The following RSPO2 variants were observed in gnomAD, a reference collection of about 807,000 sequenced individuals.
RSPO2 encodes the protein R-spondin-2.
A neutral mutation model predicts 30.9 loss-of-function variants in RSPO2; 14 were observed. That is an observed-to-expected ratio of 0.45 (90% CI 0.30 to 0.71). The LOEUF (loss-of-function observed/expected upper bound fraction) is 0.71, where lower values mean the gene tolerates loss of function less well. Among genes scored for constraint, RSPO2 ranks in the 30% least tolerant of loss-of-function variants. RSPO2 has a pLI of 0.08. For synonymous variants in RSPO2, 107 were observed against 96.4 expected (o/e 1.11, Z -0.64); for missense variants, 264 against 301.9 (o/e 0.87, Z 0.93).
intron 2 of RSPO2, among the ~76,000 whole-genome samples, chr8:108,075,254 G>A (rs2130731895): frequency 6.6e-6 from 1 of 152,304 alleles, no homozygotes; most frequent in South Asian, 2.1e-4. Context: ...GCCAAGGCGG[G>A]AGGATCACCT....
At chr8:108,064,569 T>C (rs1187239821) in intron 2 of RSPO2, among the ~76,000 whole-genome samples, 1 of 152,210 alleles carries the variant, frequency 6.6e-6, no homozygotes, top group Non-Finnish European at 1.5e-5. Flanking sequence ...TTATACACTG[T>C]TGGTGGGACT....
chr8:108,007,372 T>C (rs1815486192), intron 2 of RSPO2, among the ~76,000 whole-genome samples: 3 of 149,908 alleles, frequency 2.0e-5, no homozygotes, highest in South Asian at 2.1e-4. Flanking sequence ...TGAAAGTTTA[T>C]TGGGAAAAAA....
chr8:108,065,489 T>A (rs943388877), intron 2 of RSPO2, among the ~76,000 whole-genome samples: 2 of 152,080 alleles, frequency 1.3e-5, no homozygotes, highest in Non-Finnish European at 2.9e-5. Context: ...ATTTTTGACT[T>A]CACTGGATAG....
rs371875304 is a variant in RSPO2 at position 107,984,481 on chromosome 8, G to C, written c.283+4575C>G. On this transcript the variant is annotated intron_variant, in intron 3 of 5. Transcript: ENST00000276659. The stretch of plus-strand genomic sequence containing the variant: ...CACACCCTTCTAGATGAAACTATAT[G>C]TGCCACACTTTGCACTACTCATAAT... Among the ~76,000 whole-genome samples the C allele has an allele frequency of 2.0e-5, 3 of 152,128 alleles. No individual in the cohort carries two copies. The East Asian group carries it at 5.8e-4, about 29-fold the overall frequency.
intron 5 of RSPO2, among the ~76,000 whole-genome samples, chr8:107,912,481 G>A (rs1046897902): frequency 5.3e-5 from 8 of 152,116 alleles, no homozygotes; most frequent in African/African-American, 1.9e-4. Flanking sequence ...CCCAGGGGTA[G>A]GGCCCTTATC....
intron 2 of RSPO2, among the ~76,000 whole-genome samples, chr8:108,045,830 T>C (rs1811893610): frequency 6.6e-6 from 1 of 152,178 alleles, no homozygotes; most frequent in Admixed American, 6.5e-5. Flanking sequence ...TTTACTGCAT[T>C]CAGCCTGCCA....
At chr8:107,994,217 A>T (rs149925400) in intron 2 of RSPO2, among the ~76,000 whole-genome samples, 1 of 152,258 alleles carries the variant, frequency 6.6e-6, no homozygotes, top group African/African-American at 2.4e-5. Flanking sequence ...ATCTAAGTAT[A>T]TTTGTACATT....
chr8:108,027,225 C>T (rs1811251560), intron 2 of RSPO2, among the ~76,000 whole-genome samples: 1 of 152,202 alleles, frequency 6.6e-6, no homozygotes, highest in Non-Finnish European at 1.5e-5. Flanking sequence ...TCAAACATGT[C>T]ACATTTTCCT....
chr8:107,937,530 A>AAGGC (rs1451888871), intron 5 of RSPO2, among the ~76,000 whole-genome samples: 3 of 151,792 alleles, frequency 2.0e-5, no homozygotes, highest in Non-Finnish European at 4.4e-5. Context: ...AGAAAATCTG[A>AAGGC]AGGCATTTTT....
At chr8:107,946,797 G>A (rs1813074445) in intron 5 of RSPO2, among the ~76,000 whole-genome samples, 1 of 152,116 alleles carries the variant, frequency 6.6e-6, no homozygotes, top group Non-Finnish European at 1.5e-5. Context: ...CAACCCGTAA[G>A]TAGTCAAGAC....
At chr8:108,036,353 G>A (rs1418707112) in intron 2 of RSPO2, among the ~76,000 whole-genome samples, 2 of 152,206 alleles carry the variant, frequency 1.3e-5, no homozygotes, top group African/African-American at 4.8e-5. Context: ...TTTACAGCAT[G>A]GTTTACTGAA....
At chr8:107,929,609 A>G (rs908141730) in intron 5 of RSPO2, among the ~76,000 whole-genome samples, 3 of 152,190 alleles carry the variant, frequency 2.0e-5, no homozygotes, top group Admixed American at 6.5e-5. Context: ...AAATGGGTTC[A>G]GTTTCTGCTG....
rs911996541 is a variant in RSPO2, at chr8:108,060,560, G to A, written c.94+21985C>T. Among the ~76,000 whole-genome samples the A allele has an allele frequency of 2.2e-4, 33 of 151,796 alleles. 1 individual carries two copies. The highest frequency in any genetic ancestry group is 7.3e-4 in the African/African-American group (30 of 41,114). On this transcript the variant is annotated intron_variant, in intron 2 of 5. Transcript: ENST00000276659. ...GAAAAGACCAAATCTACGTCCGATT[G>A]GTGTACCTGAAAGTGATGGGGAGAA...
chr8:108,051,311 G>A (rs545282334), intron 2 of RSPO2, among the ~76,000 whole-genome samples: 7 of 152,290 alleles, frequency 4.6e-5, no homozygotes, highest in African/African-American at 1.7e-4. Flanking sequence ...GTAGCTGGAG[G>A]GGAGAGGAAG....
intron 2 of RSPO2, among the ~76,000 whole-genome samples, chr8:107,993,552 C>T (rs1475161230): frequency 1.3e-5 from 2 of 152,076 alleles, no homozygotes; most frequent in African/African-American, 4.8e-5. Context: ...AATAAGACTA[C>T]TACATGCCTT....
At chr8:107,905,570 T>A (rs992536893) in intron 5 of RSPO2, among the ~76,000 whole-genome samples, 3 of 152,032 alleles carry the variant, frequency 2.0e-5, no homozygotes, top group African/African-American at 2.4e-5. Flanking sequence ...AATTATAAAA[T>A]TCATCATGGA....
At chr8:108,024,962 C>T (rs1056024179) in intron 2 of RSPO2, among the ~76,000 whole-genome samples, 18 of 151,954 alleles carry the variant, frequency 1.2e-4, no homozygotes, top group East Asian at 3.9e-4. Flanking sequence ...AGAGGGGCAG[C>T]GAGCCGAGAT....
intron 5 of RSPO2, among the ~76,000 whole-genome samples, chr8:107,916,408 C>T (rs1811984578): frequency 6.6e-6 from 1 of 152,074 alleles, no homozygotes; most frequent in Admixed American, 6.6e-5. Context: ...AGACTCCACA[C>T]CTAGTACATA....
rs1039031926 is a variant in RSPO2 at position 107,948,626 on chromosome 8, G to A, written c.616+9454C>T. Among the ~76,000 whole-genome samples, 9 of 152,202 alleles carry A rather than the reference G, an allele frequency of 5.9e-5. No homozygotes were observed. In the East Asian group the frequency reaches 1.4e-3, roughly 23 times the overall value. ...CCTTATTTAAGAATATCTTAAGGCCGAGGCAGGCAGATCACAAGGTCAGGA... is the reference window on the plus strand; with the variant it reads ...CCTTATTTAAGAATATCTTAAGGCCAAGGCAGGCAGATCACAAGGTCAGGA... On this transcript the variant is annotated intron_variant, in intron 5 of 5. Transcript: ENST00000276659.
Sources: gnomAD v4.1 joint callset for allele counts (sites outside exome capture counted in the v4.1 genomes callset) on GRCh38, gnomAD v4.1.1 for gene constraint, MANE v1.5 for transcripts, NCBI Gene and HGNC (gene_info 2026-07-23, HGNC 2026-07-21) for gene names.